The following PTPRM variants were observed in gnomAD, a reference collection of about 807,000 sequenced individuals.
PTPRM encodes the protein protein tyrosine phosphatase receptor type M.
A neutral mutation model predicts 186.7 loss-of-function variants in PTPRM; 47 were observed. The observed-to-expected ratio is 0.25, with a 90% CI of 0.20 to 0.32. PTPRM has a LOEUF of 0.32. Ranked by LOEUF, PTPRM falls within the 10% of genes least tolerant of loss-of-function variation. The probability of loss-of-function intolerance (pLI) is 1.00; values close to 1 mark genes in which losing one functional copy is unlikely to be tolerated. For missense variants in PTPRM, 1,494 were observed against 1,865.0 expected, an observed-to-expected ratio of 0.80 and a Z score of 3.66; for synonymous variants, 668 against 674.9, an observed-to-expected ratio of 0.99 and a Z score of 0.16.
At chr18:7,778,411 C>T (rs571009797) in intron 2 of PTPRM, among the ~76,000 whole-genome samples, 1 of 151,872 alleles carries the variant, frequency 6.6e-6, no homozygotes, top group South Asian at 2.1e-4. Flanking sequence ...GTGAGTGATT[C>T]GTTTCATATC....
chr18:8,186,176 A>C (rs551413718), intron 14 of PTPRM, among the ~76,000 whole-genome samples: 1 of 152,116 alleles, frequency 6.6e-6, no homozygotes, highest in Admixed American at 6.5e-5. Context: ...AAATACAAAA[A>C]CTAGCTGGGC....
At chr18:8,395,786 G>A (rs1380642619) in intron 32 of PTPRM, among the ~76,000 whole-genome samples, 3 of 152,156 alleles carry the variant, frequency 2.0e-5, no homozygotes, top group Admixed American at 6.5e-5. Context: ...CCAAATTCTA[G>A]TCTCAACTCT....
chr18:8,271,096 G>T (rs1393196130), intron 19 of PTPRM, among the ~76,000 whole-genome samples: 1 of 152,032 alleles, frequency 6.6e-6, no homozygotes, highest in Non-Finnish European at 1.5e-5. Flanking sequence ...TATGTTACAT[G>T]AAATATTTTA....
At chr18:7,748,432 C>T (rs990664772) in intron 1 of PTPRM, among the ~76,000 whole-genome samples, 4 of 152,050 alleles carry the variant, frequency 2.6e-5, no homozygotes, top group African/African-American at 7.2e-5. Flanking sequence ...TGTCCTTCTG[C>T]GTGGGATGTG....
In PTPRM at chr18:8,185,167, A is replaced by T. The variant is rs896390145; in HGVS notation, c.2300+41388A>T. 2.9e-3 allele frequency among the ~76,000 whole-genome samples: 123 copies of T among 42,874 alleles called. 1 individual carries two copies. The highest frequency in any genetic ancestry group is 0.028 in the Middle Eastern group (1 of 36). The allele number at this position is 42,874 out of a possible 152,430, so 28.1% of individuals were successfully genotyped here. On this transcript the variant is annotated intron_variant, in intron 14 of 32. Transcript: ENST00000580170. ...TGATTACTAATTGTTAAAAAAAATA[A>T]AAAAAAAAGATAGTTTCTATCCTTC... is the stretch of plus-strand genomic sequence containing the variant.
chr18:8,105,782 C>T (rs956007511), intron 11 of PTPRM, among the ~76,000 whole-genome samples: 6 of 152,120 alleles, frequency 3.9e-5, no homozygotes, highest in African/African-American at 1.2e-4. Context: ...GAGCCAAATT[C>T]CACTGCCAGT....
intron 2 of PTPRM, among the ~76,000 whole-genome samples, chr18:7,852,746 C>G (rs1010570575): frequency 6.6e-6 from 1 of 151,900 alleles, no homozygotes; most frequent in African/African-American, 2.4e-5. Flanking sequence ...TTTTCAGCTA[C>G]TCAGAATGCA....
intron 1 of PTPRM, among the ~76,000 whole-genome samples, chr18:7,715,081 T>C (rs1407100335): frequency 6.6e-6 from 1 of 152,206 alleles, no homozygotes; most frequent in African/African-American, 2.4e-5. Flanking sequence ...CCAGTATGCC[T>C]GATGAACATC....
intron 1 of PTPRM, among the ~76,000 whole-genome samples, chr18:7,619,888 C>A (rs556300196): frequency 6.6e-6 from 1 of 152,310 alleles, no homozygotes; most frequent in East Asian, 1.9e-4. Context: ...GCTTGTTTCA[C>A]CACATCCTGT....
In PTPRM at chr18:7,790,817, C is replaced by T. The variant is rs2043303865; in HGVS notation, c.196+16546C>T. Among the ~76,000 whole-genome samples, 3 of 151,694 alleles carry T rather than the reference C, an allele frequency of 2.0e-5. No homozygotes were observed. The South Asian group carries it at 6.2e-4, about 31-fold the overall frequency. ...TCTTTCTAAGCTGATAAACTTTCTC[C>T]CAGTAAATTAAAAAGAAAAGGAAGG... On this transcript the variant is annotated intron_variant, in intron 2 of 32. Transcript: ENST00000580170.
chr18:8,150,202 T>C (rs1175262943), intron 14 of PTPRM, among the ~76,000 whole-genome samples: 1 of 152,222 alleles, frequency 6.6e-6, no homozygotes, highest in African/African-American at 2.4e-5. Flanking sequence ...TCTTGCTAGA[T>C]TGGGGAAGTT....
chr18:8,139,309 G>T (rs1158868857), intron 13 of PTPRM, among the ~76,000 whole-genome samples: 1 of 152,148 alleles, frequency 6.6e-6, no homozygotes, highest in Non-Finnish European at 1.5e-5. Flanking sequence ...AAAACTGATG[G>T]CTGGACTGTC....
At chr18:8,036,379 T>C (rs1353785697) in intron 7 of PTPRM, among the ~76,000 whole-genome samples, 1 of 152,216 alleles carries the variant, frequency 6.6e-6, no homozygotes, top group Non-Finnish European at 1.5e-5. Flanking sequence ...GTTGGGTAAG[T>C]AGTTGTATTA....
chr18:8,180,533 G>A (rs964657112), intron 14 of PTPRM, among the ~76,000 whole-genome samples: 2 of 152,292 alleles, frequency 1.3e-5, no homozygotes, highest in Admixed American at 1.3e-4. Flanking sequence ...TTTATACATT[G>A]GCATGCTTCC....
At chr18:7,912,490 T>C (rs1434671003) in intron 4 of PTPRM, among the ~76,000 whole-genome samples, 1 of 152,102 alleles carries the variant, frequency 6.6e-6, no homozygotes, top group African/African-American at 2.4e-5. Flanking sequence ...CTCATTATTG[T>C]TTTGGCTATT....
At chr18:8,029,027 G>A (rs1337237406) in intron 7 of PTPRM, among the ~76,000 whole-genome samples, 2 of 152,158 alleles carry the variant, frequency 1.3e-5, no homozygotes, top group Non-Finnish European at 2.9e-5. Context: ...ACCAGGGCTG[G>A]GCCTTCCCTA....
intron 19 of PTPRM, among the ~76,000 whole-genome samples, chr18:8,262,396 C>T (rs991775443): frequency 1.3e-5 from 2 of 152,238 alleles, no homozygotes; most frequent in African/African-American, 4.8e-5. Context: ...GCACATTCAG[C>T]CCTCTGTGTC....
intron 22 of PTPRM, among the ~76,000 whole-genome samples, chr18:8,334,275 T>G (rs2095426912): frequency 6.6e-6 from 1 of 152,190 alleles, no homozygotes; most frequent in African/African-American, 2.4e-5. Flanking sequence ...AGAGTCCCCC[T>G]TGGTTTTAAC....
chr18:8,312,418 G>A (rs1257096201), intron 20 of PTPRM, among the ~76,000 whole-genome samples: 1 of 152,106 alleles, frequency 6.6e-6, no homozygotes, highest in Non-Finnish European at 1.5e-5. Flanking sequence ...CTGACTGCCG[G>A]TGAGTCTGTT....
Sources: allele counts gnomAD v4.1 joint callset (sites outside exome capture counted in the v4.1 genomes callset), GRCh38; gene constraint gnomAD v4.1.1; transcripts MANE v1.5; gene names NCBI Gene and HGNC (gene_info 2026-07-23, HGNC 2026-07-21).